PIK3C2A: variants seen among roughly 807,000 people sequenced by gnomAD.
PIK3C2A encodes the protein phosphatidylinositol-4-phosphate 3-kinase catalytic subunit type 2 alpha, also known as phosphatidylinositol 4-phosphate 3-kinase C2 domain-containing subunit alpha.
PIK3C2A carries 97 observed loss-of-function variants against 204.5 expected under a neutral mutation model. The observed-to-expected ratio is 0.47, with a 90% CI of 0.40 to 0.56. PIK3C2A has a LOEUF of 0.56. PIK3C2A is among the 20% of genes least tolerant of loss of function. The pLI, the probability that PIK3C2A is intolerant of heterozygous loss-of-function variation, is 0.00. For missense variants in PIK3C2A, 1,735 were observed against 1,969.2 expected (o/e 0.88, Z 2.25); for synonymous variants, 653 against 664.4 (o/e 0.98, Z 0.26).
chr11:17,102,493 C>A (rs765756910), intron 24 of PIK3C2A, among the ~76,000 whole-genome samples, 169 bp downstream of exon 24: 1 of 152,062 alleles, frequency 6.6e-6, no homozygotes, highest in South Asian at 2.1e-4. Context: ...AGTTTATACA[C>A]ATTTACACAC....
intron 1 of PIK3C2A, among the ~76,000 whole-genome samples, chr11:17,175,716 G>C (rs1333888386): frequency 6.6e-6 from 1 of 152,112 alleles, no homozygotes. Flanking sequence ...AAACTATTTA[G>C]TTAAACGTTT....
chr11:17,097,813 C>A (rs546560803), intron 26 of PIK3C2A, among the ~76,000 whole-genome samples: 1 of 152,242 alleles, frequency 6.6e-6, no homozygotes, highest in Admixed American at 6.5e-5. Context: ...ACTCGGGAGG[C>A]AGAGGCAGGA....
chr11:17,185,223 T>C (rs556185416), intron 1 of PIK3C2A, among the ~76,000 whole-genome samples: 54 of 152,314 alleles, frequency 3.5e-4, no homozygotes, highest in South Asian at 1.4e-3. Flanking sequence ...ATTGTTGCAA[T>C]TGCCTACAGT....
At chr11:17,102,887 A>G in intron 23 of PIK3C2A, 56 bp from the exon 24 acceptor site, 1 of 1,160,622 alleles carries the variant, frequency 8.6e-7, no homozygotes, top group Non-Finnish European at 1.2e-6. Context: ...AAAGAGGCAG[A>G]GTTTATAAAT....
chr11:17,151,204 G>C (rs1486796557), intron 3 of PIK3C2A, among the ~76,000 whole-genome samples: 2 of 152,170 alleles, frequency 1.3e-5, no homozygotes, highest in Admixed American at 6.5e-5. Context: ...CTAAAACTTA[G>C]GGAATTGAAA....
At chr11:17,101,458 A>G in intron 24 of PIK3C2A, 24 bp from the exon 25 acceptor site, 1 of 1,404,112 alleles carries the variant, frequency 7.1e-7, no homozygotes, top group South Asian at 1.5e-5. Context: ...AAGTACATAC[A>G]AAATATTATT....
intron 24 of PIK3C2A, among the ~76,000 whole-genome samples, chr11:17,101,963 T>G (rs1848649586): frequency 6.6e-6 from 1 of 152,166 alleles, no homozygotes; most frequent in Non-Finnish European, 1.5e-5. Context: ...AGAGAGAACT[T>G]ATGTATGAAA....
chr11:17,138,398 C>G (rs1849946480), intron 8 of PIK3C2A: 1 of 370,236 alleles, frequency 2.7e-6, no homozygotes, highest in East Asian at 4.8e-5. Flanking sequence ...CACCCTCATG[C>G]TATGTTCTCC....
chr11:17,158,684 C>T (rs1300272297), intron 2 of PIK3C2A, among the ~76,000 whole-genome samples: 1 of 152,018 alleles, frequency 6.6e-6, no homozygotes, highest in Non-Finnish European at 1.5e-5. Context: ...CTGGGAAAAC[C>T]TAAAGCTTTG....
At chr11:17,107,182 G>A (rs185145136) in intron 22 of PIK3C2A, among the ~76,000 whole-genome samples, 8 of 152,192 alleles carry the variant, frequency 5.3e-5, no homozygotes, top group South Asian at 4.1e-4. Flanking sequence ...GTGTCGTGGC[G>A]GAAGCCTGTA....
chr11:17,159,701 G>C (rs1235331168), intron 2 of PIK3C2A, among the ~76,000 whole-genome samples: 2 of 152,220 alleles, frequency 1.3e-5, no homozygotes, highest in African/African-American at 4.8e-5. Flanking sequence ...GCCTGTATCT[G>C]TGAGGCACAG....
chr11:17,103,094 G>A (rs960092319), intron 23 of PIK3C2A, among the ~76,000 whole-genome samples: 7 of 151,678 alleles, frequency 4.6e-5, no homozygotes, highest in East Asian at 4.0e-4. Context: ...ACTTAGGTAC[G>A]TGCTGCCTTC....
chr11:17,112,040 A>G (rs1270132737), intron 21 of PIK3C2A, among the ~76,000 whole-genome samples: 2 of 152,142 alleles, frequency 1.3e-5, no homozygotes, highest in African/African-American at 4.8e-5. Flanking sequence ...TTTATTATAT[A>G]TATATCAAAA....
chr11:17,187,892 G>A (rs1851808833), intron 1 of PIK3C2A, among the ~76,000 whole-genome samples: 1 of 152,104 alleles, frequency 6.6e-6, no homozygotes, highest in Non-Finnish European at 1.5e-5. Flanking sequence ...GGACTATCAT[G>A]ACAAAAGTAA....
chr11:17,112,401 C>T (rs1590920090), intron 21 of PIK3C2A, among the ~76,000 whole-genome samples, 173 bp downstream of exon 21: 1 of 151,582 alleles, frequency 6.6e-6, no homozygotes, highest in Non-Finnish European at 1.5e-5. Context: ...TGCAGTAAGC[C>T]GAGATGGTGC....
intron 1 of PIK3C2A, among the ~76,000 whole-genome samples, chr11:17,188,421 T>C (rs1395339757): frequency 6.8e-6 from 1 of 146,514 alleles, no homozygotes; most frequent in African/African-American, 2.8e-5. Context: ...TGATAGCCCT[T>C]TAATAGAGAG....
chr11:17,147,706 C>T (rs889137225), intron 5 of PIK3C2A, 78 bp from the exon 6 acceptor site: 10 of 709,370 alleles, frequency 1.4e-5, no homozygotes, highest in Non-Finnish European at 7.2e-6. Flanking sequence ...TAAATTGCAC[C>T]TGCATCAGAA....
At chr11:17,135,833 T>C (rs982537526) in intron 9 of PIK3C2A, among the ~76,000 whole-genome samples, 1 of 152,168 alleles carries the variant, frequency 6.6e-6, no homozygotes, top group African/African-American at 2.4e-5. Flanking sequence ...CTTCTAGATA[T>C]CGAGGGGCAC....
chr11:17,159,916 A>C (rs577767916), intron 2 of PIK3C2A, among the ~76,000 whole-genome samples: 4 of 152,270 alleles, frequency 2.6e-5, no homozygotes, highest in Non-Finnish European at 5.9e-5. Flanking sequence ...AAGCAGGAGG[A>C]GTTTCCCCCT....
Sources: allele counts gnomAD v4.1 joint callset (sites outside exome capture counted in the v4.1 genomes callset), GRCh38; gene constraint gnomAD v4.1.1; transcripts MANE v1.5; gene names NCBI Gene and HGNC (gene_info 2026-07-23, HGNC 2026-07-21).